Variants in TMEM254 observed in about 807,000 individuals in gnomAD.
TMEM254 encodes the protein transmembrane protein C10orf57.
TMEM254 carries 16 observed loss-of-function variants against 13.9 expected under a neutral mutation model. The observed-to-expected ratio is 1.15, with a 90% CI of 0.78 to 1.75. The LOEUF (loss-of-function observed/expected upper bound fraction) is 1.75, where lower values mean the gene tolerates loss of function less well. Among genes scored for constraint, TMEM254 ranks in the 40% most tolerant of loss-of-function variants. TMEM254 has a pLI of 0.00. For synonymous variants in TMEM254, 61 were observed against 56.4 expected (o/e 1.08, Z -0.36); for missense variants, 155 against 149.0 (o/e 1.04, Z -0.21).
chr10:80,090,899 G>C lies in TMEM254; in HGVS notation c.354G>C (p.Lys118Asn), dbSNP rs756076369. 4 of 1,613,796 alleles carry C rather than the reference G, an allele frequency of 2.5e-6. No homozygotes were observed. In the South Asian group the frequency reaches 4.4e-5, roughly 18 times the overall value. ...SLTILIAYKR[K>N]RQKQT Reference sequence around the variant, plus strand: ...CCATCTTGATTGCTTACAAACGGAAGCGCCAAAAACAAACTTGAAGTTGTC... The same window carrying C: ...CCATCTTGATTGCTTACAAACGGAACCGCCAAAAACAAACTTGAAGTTGTC... The change falls in exon 4 of 4, where the codon AAG becomes AAC. Residue 118 changes from lysine to asparagine, a missense_variant. Lys to Asn is a moderately conservative substitution (Grantham distance 94). Transcript: ENST00000372281.
chr10:80,079,884 C>T (rs1306285457), intron 1 of TMEM254, among the ~76,000 whole-genome samples: 2 of 152,148 alleles, frequency 1.3e-5, no homozygotes, highest in Non-Finnish European at 1.5e-5. Context: ...TTTTAGTAGA[C>T]ATGGGTATTG....
chr10:80,079,125 T>C, intron 1 of TMEM254: 1 of 1,340,900 alleles, frequency 7.5e-7, no homozygotes, highest in South Asian at 1.2e-5. Context: ...TACCGCCTAT[T>C]TCCGTCCAGC....
In TMEM254 at chr10:80,090,817, G is replaced by T. The variant is rs1844546241; in HGVS notation, c.272G>T (p.Gly91Val). The change falls in exon 4 of 4, where the codon GGT becomes GTT. Residue 91 changes from glycine (G) to valine (V), a missense_variant. Coordinates refer to ENST00000372281, the MANE Select transcript of TMEM254 (RefSeq NM_025125.4). Reference sequence around the variant, plus strand: ...TTTAGGCATAAAGGCATCACAAGTGGTCGGGCTCAGCTACTCTGGTTCCTA... The same window carrying T: ...TTTAGGCATAAAGGCATCACAAGTGTTCGGGCTCAGCTACTCTGGTTCCTA... ...VLCKHKGITS[G>V]RAQLLWFLQT... is the part of the protein sequence containing the mutation. 1 of 1,613,884 alleles carries T rather than the reference G, an allele frequency of 6.2e-7. No homozygotes were observed. The highest frequency in any genetic ancestry group is 8.5e-7 in the Non-Finnish European group (1 of 1,179,968).
Position 80,079,274 on chromosome 10 carries a change from G to T in TMEM254, c.87+488G>T, listed in dbSNP as rs530212667. On this transcript the variant is annotated intron_variant, in intron 1 of 3. Transcript: ENST00000372281. ...GGAGCTCTGGGAACGGGGCCTGTGC[G>T]CACGCGCATCTGACGGTTGTCTCGG... 16 of 1,218,558 alleles carry T rather than the reference G, an allele frequency of 1.3e-5. No individual in the cohort carries two copies. The Admixed American group carries it at 2.5e-4, about 19-fold the overall frequency. 75.5% of individuals were successfully genotyped at this position (1,218,558 alleles called of 1,614,324 possible).
At chr10:80,082,848 A>C (rs1844112314) in intron 3 of TMEM254, among the ~76,000 whole-genome samples, 1 of 152,356 alleles carries the variant, frequency 6.6e-6, no homozygotes, top group Middle Eastern at 3.4e-3. Flanking sequence ...AAACATGGTT[A>C]TGGAAATGCC....
chr10:80,078,791 G>A lies in TMEM254; in HGVS notation c.87+5G>A, dbSNP rs2132257749. 1 of 1,598,308 alleles carries A rather than the reference G, an allele frequency of 6.3e-7. No homozygotes were observed. The highest frequency in any genetic ancestry group is 1.7e-5 in the Admixed American group (1 of 58,164). ...CTCAGCTTTGGCTACTACACAGTAA[G>A]GACAGCCGCTGGAGCGCTACGGTCT... On this transcript the variant is annotated splice_donor_5th_base_variant and intron_variant, in intron 1 of 3. Coordinates refer to ENST00000372281, the MANE Select transcript of TMEM254 (RefSeq NM_025125.4).
chr10:80,078,815 C>A, intron 1 of TMEM254, 29 bp downstream of exon 1: 1 of 1,575,926 alleles, frequency 6.3e-7, no homozygotes, highest in South Asian at 1.2e-5. Context: ...GCGCTACGGT[C>A]TGACGAACGA....
chr10:80,079,289 G>A, intron 1 of TMEM254: 1 of 1,208,720 alleles, frequency 8.3e-7, no homozygotes, highest in Non-Finnish European at 1.1e-6. Context: ...CGCATCTGAC[G>A]GTTGTCTCGG....
intron 3 of TMEM254, among the ~76,000 whole-genome samples, chr10:80,087,113 T>C (rs1383572341): frequency 6.6e-6 from 1 of 152,138 alleles, no homozygotes; most frequent in African/African-American, 2.4e-5. Context: ...ATATCCCTAT[T>C]TGTCTATGTC....
In TMEM254 at chr10:80,091,843, A is replaced by G. The variant is rs970199316; in HGVS notation, c.*926A>G. The G allele has an allele frequency of 2.0e-5, 3 of 152,240 alleles. No homozygotes were observed. Among genetic ancestry groups the G allele is most frequent in the African/African-American group, 7.2e-5 (3 of 41,466 alleles). 9.4% of individuals were successfully genotyped at this position (152,240 alleles called of 1,614,324 possible). ...CCCATTTGGGGTACCCTCACCCCAAAATAAAAGCCCAAGTCTACCTTTGAC... is the reference window on the plus strand; with the variant it reads ...CCCATTTGGGGTACCCTCACCCCAAGATAAAAGCCCAAGTCTACCTTTGAC... On this transcript the variant is annotated 3_prime_UTR_variant, in exon 4 of 4. Transcript: ENST00000372281.
rs773418315 is a variant in TMEM254 at position 80,078,710 on chromosome 10, C to T, written c.11C>T (p.Ala4Val). The T allele has an allele frequency of 5.6e-6, 9 of 1,602,522 alleles. No homozygotes were observed. The highest frequency in any genetic ancestry group is 6.8e-6 in the Non-Finnish European group (8 of 1,176,014). The change falls in exon 1 of 4, where the codon GCA becomes GTA. Residue 4 changes from alanine (A) to valine (V), a missense_variant. Transcript: ENST00000372281. Reference sequence around the variant, plus strand: ...GGAGGTGTTGCAGCCATGGCTACGGCAGCCGGCGCGACCTACTTTCAGCGA... The same window carrying T: ...GGAGGTGTTGCAGCCATGGCTACGGTAGCCGGCGCGACCTACTTTCAGCGA... MATAAGATYFQRGS... is the reference protein window; with the variant it reads MATVAGATYFQRGS...
rs369651636 is a variant in TMEM254, at chr10:80,081,237, C to T, written c.88-604C>T. Among the ~76,000 whole-genome samples the T allele has an allele frequency of 8.6e-5, 13 of 151,228 alleles. No individual in the cohort carries two copies. In the East Asian group the frequency reaches 1.2e-3, roughly 14 times the overall value. On this transcript the variant is annotated intron_variant, in intron 1 of 3. Transcript: ENST00000372281. ...CTGCACTCAAGCCTGGGTGACAAAG[C>T]GAGATCCCTTCTCTACAAAGAAAAC...
chr10:80,083,319 G>A (rs765285854), intron 3 of TMEM254, among the ~76,000 whole-genome samples: 52 of 152,052 alleles, frequency 3.4e-4, no homozygotes, highest in Non-Finnish European at 6.2e-4. Flanking sequence ...GGCCATGCTA[G>A]TCCCGAACTC....
At position 80,090,853 on chromosome 10, in the gene TMEM254, T is replaced by C. The variant is rs375464545; in HGVS notation, c.308T>C (p.Phe103Ser). ...AQLLWFLQTFFFGIASLTILI... is the reference protein window; with the variant it reads ...AQLLWFLQTFSFGIASLTILI... Reference sequence around the variant, plus strand: ...CTACTCTGGTTCCTACAGACTTTCTTCTTTGGGATAGCGTCTCTCACCATC... The same window carrying C: ...CTACTCTGGTTCCTACAGACTTTCTCCTTTGGGATAGCGTCTCTCACCATC... Residue 103 changes from phenylalanine (F) to serine (S), a missense_variant, in exon 4 of 4, where the codon TTC (phenylalanine) becomes TCC (serine). Phe to Ser is a radical substitution (Grantham distance 155). Transcript: ENST00000372281. 12 of 1,614,168 alleles carry C rather than the reference T, an allele frequency of 7.4e-6. No individual in the cohort carries two copies. The African/African-American group carries it at 1.3e-4, about 18-fold the overall frequency.
chr10:80,080,773 T>TACAC lies in TMEM254; in HGVS notation c.88-1052_88-1049dup, dbSNP rs35188589. The stretch of plus-strand genomic sequence containing the variant: ...GGGCAACATGGCAAAACCTCATCTC[T>TACAC]ACACACACACACACACACAAAATTA... On this transcript the variant is annotated intron_variant, in intron 1 of 3. Transcript: ENST00000372281. 4.3e-3 allele frequency among the ~76,000 whole-genome samples: 647 copies of TACAC among 150,238 alleles called. 3 individuals are homozygous for TACAC. Among genetic ancestry groups the TACAC allele is most frequent in the Non-Finnish European group, 4.7e-3 (317 of 67,440 alleles).
intron 3 of TMEM254, among the ~76,000 whole-genome samples, chr10:80,089,319 G>A (rs1304040846): frequency 1.3e-5 from 2 of 151,512 alleles, no homozygotes; most frequent in African/African-American, 4.9e-5. Flanking sequence ...TAGATCTCCT[G>A]TGTCAAAATT....
intron 1 of TMEM254, 37 bp downstream of exon 1, chr10:80,078,823 C>T (rs375260687): frequency 1.3e-6 from 2 of 1,564,822 alleles, no homozygotes; most frequent in African/African-American, 1.4e-5. Flanking sequence ...GTCTGACGAA[C>T]GAGCGAGCGC....
chr10:80,085,754 C>G (rs948703001), intron 3 of TMEM254, among the ~76,000 whole-genome samples: 2 of 152,036 alleles, frequency 1.3e-5, no homozygotes, highest in Non-Finnish European at 2.9e-5. Flanking sequence ...AATACTTTAA[C>G]AAGAAAAATA....
intron 3 of TMEM254, chr10:80,090,473 A>C (rs774535355): frequency 1.7e-4 from 124 of 716,254 alleles, no homozygotes; most frequent in Non-Finnish European, 3.0e-4. Context: ...CTATTTGCAA[A>C]ACATTTGCTC....
Sources: allele counts gnomAD v4.1 joint callset (sites outside exome capture counted in the v4.1 genomes callset), GRCh38; gene constraint gnomAD v4.1.1; transcripts MANE v1.5; gene names NCBI Gene and HGNC (gene_info 2026-07-23, HGNC 2026-07-21).